MPV17L: variants seen among roughly 807,000 people sequenced by gnomAD.
MPV17L encodes the protein MPV17 mitochondrial inner membrane protein like.
A neutral mutation model predicts 25.8 loss-of-function variants in MPV17L; 24 were observed. The observed-to-expected ratio is 0.93, with a 90% CI of 0.67 to 1.31. MPV17L has a LOEUF of 1.31. Among genes scored for constraint, MPV17L ranks in the 50% most tolerant of loss-of-function variants. MPV17L has a pLI of 0.00. For synonymous variants in MPV17L, 102 were observed against 115.3 expected, an observed-to-expected ratio of 0.88 and a Z score of 0.74; for missense variants, 250 against 265.6, an observed-to-expected ratio of 0.94 and a Z score of 0.41.
At chr16:15,397,292 G>C (rs2150903799) in intron 1 of MPV17L, among the ~76,000 whole-genome samples, 1 of 152,210 alleles carries the variant, frequency 6.6e-6, no homozygotes, top group African/African-American at 2.4e-5. Flanking sequence ...CTTCTCCCGG[G>C]GTGAAGACTT....
intron 1 of MPV17L, among the ~76,000 whole-genome samples, chr16:15,397,293 G>A: frequency 6.6e-6 from 1 of 152,284 alleles, no homozygotes; most frequent in East Asian, 1.9e-4. Flanking sequence ...TTCTCCCGGG[G>A]TGAAGACTTT....
chr16:15,405,808 G>T (rs983583023), intron 2 of MPV17L, among the ~76,000 whole-genome samples: 2 of 151,906 alleles, frequency 1.3e-5, no homozygotes, highest in African/African-American at 4.8e-5. Flanking sequence ...ACTTTGGGAG[G>T]CTGAGGTGGG....
chr16:15,406,274 A>G (rs1318478323), intron 2 of MPV17L, among the ~76,000 whole-genome samples: 1 of 151,970 alleles, frequency 6.6e-6, no homozygotes, highest in Non-Finnish European at 1.5e-5. Context: ...ATTATATGTA[A>G]TATCTACTTT....
rs1242552489 is a variant in MPV17L, at chr16:15,401,086, A to ATT, written c.381+253_381+254dup. Among the ~76,000 whole-genome samples, 139 of 19,850 alleles carry ATT rather than the reference A, an allele frequency of 7.0e-3. 6 individuals are homozygous for ATT. The highest frequency in any genetic ancestry group is 8.0e-3 in the Admixed American group (6 of 748). 13.0% of individuals were successfully genotyped at this position (19,850 alleles called of 152,430 possible). A position where few individuals can be genotyped will look rare whatever the true frequency, so the allele number is the denominator to read the frequency against. ...TATATATATATATATATATATATAT[A>ATT]TTTTTTTTTTTTTTTTTTTTTTTTT... On this transcript the variant is annotated intron_variant, in intron 2 of 3. Coordinates refer to ENST00000396385, the MANE Select transcript of MPV17L (RefSeq NM_001128423.2).
At chr16:15,404,608 G>T (rs1413130208) in intron 2 of MPV17L, among the ~76,000 whole-genome samples, 1 of 152,134 alleles carries the variant, frequency 6.6e-6, no homozygotes, top group Non-Finnish European at 1.5e-5. Flanking sequence ...ATCATATGAG[G>T]TCAGGAGTTC....
In MPV17L at chr16:15,412,337, G is replaced by C. The variant is rs1449612787; in HGVS notation, c.*4225G>C. The stretch of plus-strand genomic sequence containing the variant: ...CCAGCTACTTGGGGGTGCTGAGGCA[G>C]GAGGATCACTCAAGCCCAGGAGGTG... On this transcript the variant is annotated 3_prime_UTR_variant, in exon 4 of 4. Transcript: ENST00000396385. The C allele has an allele frequency of 1.3e-5, 2 of 151,816 alleles. No individual in the cohort carries two copies. Among genetic ancestry groups the C allele is most frequent in the African/African-American group, 4.8e-5 (2 of 41,258 alleles). 9.4% of individuals were successfully genotyped at this position (151,816 alleles called of 1,614,324 possible).
intron 2 of MPV17L, among the ~76,000 whole-genome samples, chr16:15,402,842 C>A (rs1444118188): frequency 6.6e-6 from 1 of 151,974 alleles, no homozygotes; most frequent in African/African-American, 2.4e-5. Flanking sequence ...CCACATCCAG[C>A]TAATTTTTTG....
rs925661313 is a variant in MPV17L, at chr16:15,409,492, G to T, written c.*1380G>T. 1 of 152,108 alleles carries T rather than the reference G, an allele frequency of 6.6e-6. No individual in the cohort carries two copies. Among genetic ancestry groups the T allele is most frequent in the Non-Finnish European group, 1.5e-5 (1 of 68,030 alleles). The allele number at this position is 152,108 out of a possible 1,614,324, so 9.4% of individuals were successfully genotyped here. A position where few individuals can be genotyped will look rare whatever the true frequency, so the allele number is the denominator to read the frequency against. ...TTTGTAATCCTCCCACCCTTAAGAA[G>T]GTTCTTTTTAATTCTCCCCACCCTT... On this transcript the variant is annotated 3_prime_UTR_variant, in exon 4 of 4. Transcript: ENST00000396385.
At chr16:15,404,896 C>T (rs1334108293) in intron 2 of MPV17L, among the ~76,000 whole-genome samples, 3 of 152,116 alleles carry the variant, frequency 2.0e-5, no homozygotes, top group Admixed American at 1.3e-4. Context: ...TGCCTTTGGC[C>T]TATTCAGAGG....
In MPV17L at chr16:15,412,186, T is replaced by C. The variant is rs1567435965; in HGVS notation, c.*4074T>C. The C allele has an allele frequency of 6.6e-6, 1 of 152,262 alleles. No homozygotes were observed. The highest frequency in any genetic ancestry group is 1.5e-5 in the Non-Finnish European group (1 of 68,088). The allele number at this position is 152,262 out of a possible 1,614,324, so 9.4% of individuals were successfully genotyped here. The stretch of plus-strand genomic sequence containing the variant: ...GCTCATGCCTGTAATCCCAGCACTT[T>C]GGGAGGCCAAGGCGGGCGGATCACT... On this transcript the variant is annotated 3_prime_UTR_variant, in exon 4 of 4. Coordinates refer to ENST00000396385, the MANE Select transcript of MPV17L (RefSeq NM_001128423.2).
chr16:15,403,612 CA>C (rs1279656052), intron 2 of MPV17L, among the ~76,000 whole-genome samples: 1 of 147,980 alleles, frequency 6.8e-6, no homozygotes, highest in Admixed American at 6.9e-5. Context: ...GTCGAGGCTG[CA>C]GTAAGCTGTG....
rs1398992748 is a variant in MPV17L, at chr16:15,396,028, A to C, written c.131A>C (p.Asn44Thr). 3 of 1,531,792 alleles carry C rather than the reference A, an allele frequency of 2.0e-6. No homozygotes were observed. The highest frequency in any genetic ancestry group is 1.2e-5 in the South Asian group (1 of 82,832). The allele number at this position is 1,531,792 out of a possible 1,614,324, so 94.9% of individuals were successfully genotyped here. ...LQQRLQGREA[N>T]WRQTRRVATL... The stretch of plus-strand genomic sequence containing the variant: ...CAGCGGCTGCAGGGCCGCGAGGCCA[A>C]CTGGCGCCAGACGCGGCGCGTGGCC... Residue 44 changes from asparagine to threonine, a missense_variant, in exon 1 of 4, where the codon AAC becomes ACC. Asn to Thr is a moderately conservative substitution (Grantham distance 65). Transcript: ENST00000396385.
At chr16:15,396,235 GTGGGACCCAGTATTGGGGGACTGGAGGC>G in intron 1 of MPV17L, 28 bp downstream of exon 1, 1 of 1,543,782 alleles carries the variant, frequency 6.5e-7, no homozygotes, top group Middle Eastern at 1.7e-4. Context: ...GACCTGGGGG[GTGGGACCCAGTATTGGGGGACTGGAGGC>G]TGGGACTCGG....
intron 2 of MPV17L, among the ~76,000 whole-genome samples, chr16:15,402,174 G>A (rs943940729): frequency 2.6e-5 from 4 of 152,060 alleles, no homozygotes; most frequent in Non-Finnish European, 5.9e-5. Context: ...CATTTTTACT[G>A]TTTGCTCGGC....
In MPV17L at chr16:15,408,297, C is replaced by G. The variant is rs2050700693; in HGVS notation, c.*185C>G. 5.8e-6 allele frequency: 3 copies of G among 515,292 alleles called. No homozygotes were observed. Among genetic ancestry groups the G allele is most frequent in the African/African-American group, 1.9e-5 (1 of 52,334 alleles). 31.9% of individuals were successfully genotyped at this position (515,292 alleles called of 1,614,324 possible). On this transcript the variant is annotated 3_prime_UTR_variant, in exon 4 of 4. Transcript: ENST00000396385. ...ATTGTATTCAGACTTTTTTCCTGTT[C>G]TAGTCTGAAATATTACTTCTCTAAT...
Position 15,400,675 on chromosome 16 carries a change from T to A in MPV17L, c.311-112T>A, listed in dbSNP as rs2050625911. 4.7e-6 allele frequency: 3 copies of A among 637,638 alleles called. No individual in the cohort carries two copies. In the East Asian group the frequency reaches 9.9e-5, roughly 21 times the overall value. The allele number at this position is 637,638 out of a possible 1,614,324, so 39.5% of individuals were successfully genotyped here. On this transcript the variant is annotated intron_variant, in intron 1 of 3. Coordinates refer to ENST00000396385, the MANE Select transcript of MPV17L (RefSeq NM_001128423.2). The stretch of plus-strand genomic sequence containing the variant: ...TCACTGTTGGGTCAGAGGGTCATAT[T>A]GTTGGATGATAGTGATGGTTACTTT...
At position 15,409,612 on chromosome 16, in the gene MPV17L, C is replaced by T. The variant is rs1188586907; in HGVS notation, c.*1500C>T. On this transcript the variant is annotated 3_prime_UTR_variant, in exon 4 of 4. Transcript: ENST00000396385. ...ACCTGTAAGAACTAATGATAATCCA[C>T]CACCCTTTGCTGACTCCTTTTTTGG... The T allele has an allele frequency of 6.6e-6, 1 of 151,980 alleles. No individual in the cohort carries two copies. Among genetic ancestry groups the T allele is most frequent in the Non-Finnish European group, 1.5e-5 (1 of 68,030 alleles). The allele number at this position is 151,980 out of a possible 1,614,324, so 9.4% of individuals were successfully genotyped here. A position where few individuals can be genotyped will look rare whatever the true frequency, so the allele number is the denominator to read the frequency against.
chr16:15,401,072 ATATATATATATATATTTT>A (rs955790925), intron 2 of MPV17L, among the ~76,000 whole-genome samples: 1 of 26,880 alleles, frequency 3.7e-5, no homozygotes, highest in African/African-American at 8.7e-5. Flanking sequence ...ATATATATAT[ATATATATATATATATTTT>A]TTTTTTTTTT....
Position 15,408,202 on chromosome 16 carries a change from C to T in MPV17L, c.*90C>T, listed in dbSNP as rs2050699773. The T allele has an allele frequency of 1.0e-6, 1 of 974,324 alleles. No individual in the cohort carries two copies. The highest frequency in any genetic ancestry group is 1.5e-6 in the Non-Finnish European group (1 of 662,272). 60.4% of individuals were successfully genotyped at this position (974,324 alleles called of 1,614,324 possible). A position where few individuals can be genotyped will look rare whatever the true frequency, so the allele number is the denominator to read the frequency against. ...CAAAATATTTGATGTGCCAATTATG[C>T]ACTTCATTTTGAGGAATTACTACTA... On this transcript the variant is annotated 3_prime_UTR_variant, in exon 4 of 4. Transcript: ENST00000396385.
Sources: gnomAD v4.1 joint callset for allele counts (sites outside exome capture counted in the v4.1 genomes callset) on GRCh38, gnomAD v4.1.1 for gene constraint, MANE v1.5 for transcripts, NCBI Gene and HGNC (gene_info 2026-07-23, HGNC 2026-07-21) for gene names.